Variants in PALM2AKAP2 observed in about 807,000 individuals in gnomAD.
The protein encoded by PALM2AKAP2 is PALM2-AKAP2 fusion protein.
In PALM2AKAP2, 37 loss-of-function variants were observed where a neutral mutation model predicts 71.5. That is an observed-to-expected ratio of 0.52 (90% CI 0.40 to 0.68). The LOEUF (loss-of-function observed/expected upper bound fraction) is 0.68, where lower values mean the gene tolerates loss of function less well. Among genes scored for constraint, PALM2AKAP2 ranks in the 30% least tolerant of loss-of-function variants. The pLI, the probability that PALM2AKAP2 is intolerant of heterozygous loss-of-function variation, is 0.00. For synonymous variants in PALM2AKAP2, 468 were observed against 478.8 expected, an observed-to-expected ratio of 0.98 and a Z score of 0.29; for missense variants, 1,224 against 1,191.8, an observed-to-expected ratio of 1.03 and a Z score of -0.40.
intron 6 of PALM2AKAP2, among the ~76,000 whole-genome samples, chr9:110,008,084 G>T (rs746508516): frequency 6.6e-6 from 1 of 152,174 alleles, no homozygotes; most frequent in Non-Finnish European, 1.5e-5. Context: ...CAGAAAGGTG[G>T]TGGGAAAGTT....
chr9:109,798,508 G>C lies in PALM2AKAP2; in HGVS notation c.45+17975G>C, dbSNP rs115204338. On this transcript the variant is annotated intron_variant, in intron 1 of 9. Coordinates refer to the PALM2AKAP2 transcript ENST00000302798. ...ACACTCATGTATCCCATAACCCTCTGTCTCCTGTCAAAGCCTTTTATCAGG... is the reference window on the plus strand; with the variant it reads ...ACACTCATGTATCCCATAACCCTCTCTCTCCTGTCAAAGCCTTTTATCAGG... Among the ~76,000 whole-genome samples the C allele has an allele frequency of 1.4e-3, 208 of 152,244 alleles. 1 individual carries two copies. The highest frequency in any genetic ancestry group is 4.6e-3 in the African/African-American group (191 of 41,550).
At chr9:110,071,662 C>T (rs1424650124) in intron 1 of PALM2AKAP2, among the ~76,000 whole-genome samples, 2 of 152,152 alleles carry the variant, frequency 1.3e-5, no homozygotes, top group African/African-American at 2.4e-5. Context: ...GCAATGATTG[C>T]TCTATGCCCT....
At chr9:110,051,891 G>A (rs192112684) in intron 1 of PALM2AKAP2, among the ~76,000 whole-genome samples, 43 of 151,914 alleles carry the variant, frequency 2.8e-4, no homozygotes, top group Admixed American at 7.9e-4. Context: ...GTAAGTTTGG[G>A]TAGCAAATTG....
chr9:109,726,414 A>G (rs989645965), intron 1 of PALM2AKAP2, among the ~76,000 whole-genome samples: 3 of 152,206 alleles, frequency 2.0e-5, no homozygotes, highest in Non-Finnish European at 2.9e-5. Flanking sequence ...TACTGCGTTC[A>G]GTGGTGGGGC....
intron 1 of PALM2AKAP2, among the ~76,000 whole-genome samples, chr9:109,754,584 AT>A (rs1828931147): frequency 6.6e-6 from 1 of 152,126 alleles, no homozygotes; most frequent in African/African-American, 2.4e-5. Flanking sequence ...ACAAATTGCT[AT>A]AGACTGAGAT....
At chr9:109,813,887 G>T (rs1406686406) in intron 1 of PALM2AKAP2, among the ~76,000 whole-genome samples, 1 of 152,192 alleles carries the variant, frequency 6.6e-6, no homozygotes, top group Non-Finnish European at 1.5e-5. Context: ...CACCCTAACT[G>T]ATCATAGTCA....
chr9:110,157,639 A>G (rs1463815600), intron 3 of PALM2AKAP2, among the ~76,000 whole-genome samples: 4 of 151,956 alleles, frequency 2.6e-5, no homozygotes, highest in East Asian at 1.9e-4. Context: ...AGCTCAAGGG[A>G]TACTCCCACC....
upstream of PALM2AKAP2, chr9:110,048,679 G>A (rs1334507617): frequency 6.6e-7 from 1 of 1,519,696 alleles, no homozygotes; most frequent in Non-Finnish European, 8.8e-7. Context: ...CAGCGCGCCC[G>A]GAGGCTACCA....
intron 1 of PALM2AKAP2, among the ~76,000 whole-genome samples, chr9:110,061,196 A>G (rs978903620): frequency 3.3e-5 from 5 of 152,242 alleles, no homozygotes; most frequent in Admixed American, 3.3e-4. Flanking sequence ...ATATGCTAAC[A>G]AGAATCATTG....
intron 6 of PALM2AKAP2, among the ~76,000 whole-genome samples, chr9:109,985,349 A>G (rs976896908): frequency 6.6e-6 from 1 of 152,010 alleles, no homozygotes; most frequent in Non-Finnish European, 1.5e-5. Context: ...ATTGTCTTGT[A>G]AAACTGTCTT....
chr9:109,951,666 C>G (rs1304411337), intron 6 of PALM2AKAP2, among the ~76,000 whole-genome samples: 2 of 152,196 alleles, frequency 1.3e-5, no homozygotes, highest in Non-Finnish European at 2.9e-5. Flanking sequence ...AGTCACACCT[C>G]TGGAACTCAG....
At chr9:109,943,180 G>T in intron 6 of PALM2AKAP2, 1 of 1,614,234 alleles carries the variant, frequency 6.2e-7, no homozygotes. Flanking sequence ...AAAGGTGCTA[G>T]GCTATGATGA....
Position 109,782,354 on chromosome 9 carries a change from G to A in PALM2AKAP2, c.45+1821G>A, listed in dbSNP as rs570892056. Among the ~76,000 whole-genome samples, 8 of 151,732 alleles carry A rather than the reference G, an allele frequency of 5.3e-5. No individual in the cohort carries two copies. The East Asian group carries it at 1.5e-3, about 29-fold the overall frequency. On this transcript the variant is annotated intron_variant, in intron 1 of 9. Transcript: ENST00000302798. ...AGCTGTTGATTATTCTCATGAATGT[G>A]CACCTAATACAGTCTGCCCTCCCTA...
intron 2 of PALM2AKAP2, among the ~76,000 whole-genome samples, chr9:110,146,438 T>C (rs997269536): frequency 2.0e-5 from 3 of 152,216 alleles, no homozygotes; most frequent in Non-Finnish European, 4.4e-5. Context: ...CCTCATTGCC[T>C]ACTTCTGCAT....
At chr9:110,140,620 C>T (rs1836004041) in intron 2 of PALM2AKAP2, among the ~76,000 whole-genome samples, 1 of 143,256 alleles carries the variant, frequency 7.0e-6, no homozygotes, top group Admixed American at 6.8e-5. Flanking sequence ...TATTTGTGAC[C>T]ACCTTCTTGA....
intron 6 of PALM2AKAP2, among the ~76,000 whole-genome samples, chr9:109,950,275 A>G (rs1213630663): frequency 6.6e-6 from 1 of 151,996 alleles, no homozygotes; most frequent in Non-Finnish European, 1.5e-5. Context: ...CCTGGGCAAC[A>G]GAGCAAGACT....
intron 2 of PALM2AKAP2, among the ~76,000 whole-genome samples, chr9:110,139,521 C>T (rs1449963612): frequency 2.0e-5 from 3 of 152,138 alleles, no homozygotes; most frequent in African/African-American, 7.2e-5. Flanking sequence ...TTTTACAAAA[C>T]TATTGCTTCA....
intron 1 of PALM2AKAP2, chr9:110,127,529 G>A (rs976824633): frequency 6.6e-6 from 1 of 152,240 alleles, no homozygotes; most frequent in Non-Finnish European, 1.5e-5. Flanking sequence ...TGTGGCCCAG[G>A]TTATCACCCG....
At chr9:110,135,164 A>AAAAATATATATATAT in intron 1 of PALM2AKAP2, among the ~76,000 whole-genome samples, 2 of 51,722 alleles carry the variant, frequency 3.9e-5, no homozygotes, top group African/African-American at 1.5e-4. Context: ...AAAAAAAAAA[A>AAAAATATATATATAT]ATATATAAAT....
Sources: allele counts gnomAD v4.1 joint callset (sites outside exome capture counted in the v4.1 genomes callset), GRCh38; gene constraint gnomAD v4.1.1; transcripts MANE v1.5; gene names NCBI Gene and HGNC (gene_info 2026-07-23, HGNC 2026-07-21).